Variants in SPOCK1 observed in about 807,000 individuals in gnomAD.
The protein encoded by SPOCK1 is testican-1.
SPOCK1 carries 23 observed loss-of-function variants against 55.3 expected under a neutral mutation model. The observed-to-expected ratio is 0.42, with a 90% CI of 0.30 to 0.59. The LOEUF (loss-of-function observed/expected upper bound fraction) is 0.59, where lower values mean the gene tolerates loss of function less well. Ranked by LOEUF, SPOCK1 falls within the 20% of genes least tolerant of loss-of-function variation. The pLI is 0.22. For missense variants in SPOCK1, 499 were observed against 552.5 expected (o/e 0.90, Z 0.97); for synonymous variants, 226 against 221.0 (o/e 1.02, Z -0.20).
At chr5:137,033,016 G>A (rs1420374377) in intron 6 of SPOCK1, among the ~76,000 whole-genome samples, 1 of 152,210 alleles carries the variant, frequency 6.6e-6, no homozygotes, top group Non-Finnish European at 1.5e-5. Flanking sequence ...AAGTGGGCCC[G>A]CTAAATGGCT....
intron 6 of SPOCK1, among the ~76,000 whole-genome samples, chr5:137,057,708 C>T (rs961513876): frequency 2.6e-5 from 4 of 152,318 alleles, no homozygotes; most frequent in African/African-American, 9.6e-5. Flanking sequence ...AGGAAAGAGG[C>T]CTACCAACAT....
At chr5:137,388,652 T>C (rs1751646992) in intron 2 of SPOCK1, among the ~76,000 whole-genome samples, 1 of 152,114 alleles carries the variant, frequency 6.6e-6, no homozygotes, top group Non-Finnish European at 1.5e-5. Flanking sequence ...ATGGACACTC[T>C]CACCTTCCAG....
At chr5:137,060,038 G>A (rs1752367810) in intron 6 of SPOCK1, among the ~76,000 whole-genome samples, 2 of 152,142 alleles carry the variant, frequency 1.3e-5, no homozygotes, top group African/African-American at 4.8e-5. Context: ...AAAGCTATTT[G>A]GCAATTTCTC....
chr5:137,455,654 G>A (rs940832608), intron 2 of SPOCK1, among the ~76,000 whole-genome samples: 1 of 152,022 alleles, frequency 6.6e-6, no homozygotes, highest in African/African-American at 2.4e-5. Context: ...TGCAGCACTG[G>A]GGATCTGACA....
At chr5:137,363,472 T>G (rs1750992685) in intron 2 of SPOCK1, among the ~76,000 whole-genome samples, 1 of 152,204 alleles carries the variant, frequency 6.6e-6, no homozygotes, top group South Asian at 2.1e-4. Flanking sequence ...CAGTTCAGCT[T>G]GATGGTTAAG....
At chr5:137,461,991 AG>A (rs1753498734) in intron 2 of SPOCK1, among the ~76,000 whole-genome samples, 1 of 152,180 alleles carries the variant, frequency 6.6e-6, no homozygotes, top group Non-Finnish European at 1.5e-5. Flanking sequence ...ACTCATCCAG[AG>A]CCCCAGATAA....
At chr5:137,453,187 A>C (rs759974642) in intron 2 of SPOCK1, among the ~76,000 whole-genome samples, 3 of 152,232 alleles carry the variant, frequency 2.0e-5, no homozygotes, top group Non-Finnish European at 4.4e-5. Context: ...ACCAGAGCCC[A>C]CTTGGTCCTT....
chr5:137,415,321 C>A (rs773172508), intron 2 of SPOCK1, among the ~76,000 whole-genome samples: 34 of 152,128 alleles, frequency 2.2e-4, no homozygotes, highest in Non-Finnish European at 2.9e-4. Context: ...ATTCTCTGGG[C>A]TGACTGTTTA....
chr5:137,269,385 T>C (rs1160902409), intron 2 of SPOCK1, among the ~76,000 whole-genome samples: 1 of 152,170 alleles, frequency 6.6e-6, no homozygotes, highest in East Asian at 1.9e-4. Context: ...TGATAAACCT[T>C]TGTGTATCAC....
intron 2 of SPOCK1, among the ~76,000 whole-genome samples, chr5:137,301,635 CCT>C (rs1491324019): frequency 8.1e-5 from 6 of 74,338 alleles, no homozygotes; most frequent in African/African-American, 3.7e-4. Flanking sequence ...CATTTCGTCT[CCT>C]TTTTTTTTTT....
intron 2 of SPOCK1, among the ~76,000 whole-genome samples, chr5:137,353,752 A>C (rs1043733991): frequency 6.6e-6 from 1 of 152,180 alleles, no homozygotes; most frequent in African/African-American, 2.4e-5. Context: ...TTCATGACCT[A>C]GAACTCCTTC....
At chr5:137,376,887 T>C (rs1291870461) in intron 2 of SPOCK1, among the ~76,000 whole-genome samples, 1 of 152,212 alleles carries the variant, frequency 6.6e-6, no homozygotes, top group Non-Finnish European at 1.5e-5. Flanking sequence ...TGCCTTCTTT[T>C]TGTGTACCAA....
chr5:137,408,480 C>T, intron 2 of SPOCK1, among the ~76,000 whole-genome samples: 1 of 152,192 alleles, frequency 6.6e-6, no homozygotes, highest in East Asian at 1.9e-4. Flanking sequence ...GCATGCAATA[C>T]CTCCTAAGTG....
intron 2 of SPOCK1, among the ~76,000 whole-genome samples, chr5:137,466,348 T>C (rs1431998835): frequency 1.3e-5 from 2 of 152,212 alleles, no homozygotes; most frequent in Non-Finnish European, 2.9e-5. Flanking sequence ...GGATCTCTCC[T>C]AAAGGGGCTT....
chr5:136,978,077 C>A lies in SPOCK1; in HGVS notation c.*577G>T, dbSNP rs1378007303. On this transcript the variant is annotated 3_prime_UTR_variant, in exon 11 of 11. Coordinates refer to ENST00000394945, the MANE Select transcript of SPOCK1 (RefSeq NM_004598.4). The stretch of plus-strand genomic sequence containing the variant: ...ATGAATTCCCCAAAGGGAGTCTTGA[C>A]TGAATTAAGGCTGTTGTTTATAGGA... The A allele has an allele frequency of 5.0e-6, 2 of 397,380 alleles. No individual in the cohort carries two copies. Among genetic ancestry groups the A allele is most frequent in the Admixed American group, 8.8e-5 (2 of 22,700 alleles). The allele number at this position is 397,380 out of a possible 1,614,324, so 24.6% of individuals were successfully genotyped here. A position where few individuals can be genotyped will look rare whatever the true frequency, so the allele number is the denominator to read the frequency against.
At chr5:137,364,455 C>T (rs1412327414) in intron 2 of SPOCK1, among the ~76,000 whole-genome samples, 1 of 152,180 alleles carries the variant, frequency 6.6e-6, no homozygotes, top group East Asian at 1.9e-4. Context: ...CATTTTTACA[C>T]AGCCTTTGGA....
intron 5 of SPOCK1, among the ~76,000 whole-genome samples, chr5:137,096,947 G>A (rs1753159587): frequency 6.6e-6 from 1 of 152,198 alleles, no homozygotes; most frequent in African/African-American, 2.4e-5. Context: ...AGGGAGCACA[G>A]GAGCATTAAT....
intron 2 of SPOCK1, among the ~76,000 whole-genome samples, chr5:137,444,890 C>T (rs1753090518): frequency 6.6e-6 from 1 of 152,236 alleles, no homozygotes; most frequent in Admixed American, 6.5e-5. Context: ...CCCAAGCTCA[C>T]ATGACACAAA....
intron 6 of SPOCK1, among the ~76,000 whole-genome samples, chr5:137,035,932 A>G (rs1751877173): frequency 1.3e-5 from 2 of 152,328 alleles, no homozygotes; most frequent in South Asian, 2.1e-4. Context: ...CTGGGGATTA[A>G]CCAGGGATTG....
Sources: allele counts gnomAD v4.1 joint callset (sites outside exome capture counted in the v4.1 genomes callset), GRCh38; gene constraint gnomAD v4.1.1; transcripts MANE v1.5; gene names NCBI Gene and HGNC (gene_info 2026-07-23, HGNC 2026-07-21).